ARHGAP15: variants seen among roughly 807,000 people sequenced by gnomAD.
ARHGAP15 encodes the protein Rho GTPase activating protein 15.
ARHGAP15 carries 51 observed loss-of-function variants against 63.7 expected under a neutral mutation model. The ratio of observed to expected loss-of-function variants is 0.80; its 90% CI spans 0.64 to 1.01. The LOEUF (loss-of-function observed/expected upper bound fraction) is 1.01, where lower values mean the gene tolerates loss of function less well. Among genes scored for constraint, ARHGAP15 ranks in the 50% least tolerant of loss-of-function variants. The pLI, the probability that ARHGAP15 is intolerant of heterozygous loss-of-function variation, is 0.00. For missense variants in ARHGAP15, 560 were observed against 564.6 expected (o/e 0.99, Z 0.08); for synonymous variants, 191 against 193.8 (o/e 0.99, Z 0.12).
intron 1 of ARHGAP15, among the ~76,000 whole-genome samples, chr2:143,144,967 G>A (rs1189925497): frequency 1.3e-5 from 2 of 152,014 alleles, no homozygotes; most frequent in Non-Finnish European, 1.5e-5. Flanking sequence ...GAATCCCTTA[G>A]GGGTTATGAC....
At chr2:143,710,221 C>T (rs1684520565) in intron 13 of ARHGAP15, among the ~76,000 whole-genome samples, 1 of 152,058 alleles carries the variant, frequency 6.6e-6, no homozygotes, top group South Asian at 2.1e-4. Context: ...AAGCCAGAAG[C>T]TTCATAGCTC....
intron 13 of ARHGAP15, among the ~76,000 whole-genome samples, chr2:143,731,960 C>T (rs1412753946): frequency 6.6e-6 from 1 of 152,122 alleles, no homozygotes; most frequent in East Asian, 1.9e-4. Flanking sequence ...ATTTAAAATG[C>T]AAGTATGTCT....
At chr2:143,432,219 T>C (rs1414380538) in intron 6 of ARHGAP15, among the ~76,000 whole-genome samples, 1 of 152,064 alleles carries the variant, frequency 6.6e-6, no homozygotes, top group Non-Finnish European at 1.5e-5. Context: ...GTTTATATTC[T>C]AGTAAACAAA....
At chr2:143,239,990 CAAAAAAAAA>C (rs60960176) in intron 5 of ARHGAP15, among the ~76,000 whole-genome samples, 7 of 26,466 alleles carry the variant, frequency 2.6e-4, no homozygotes, top group Admixed American at 7.2e-4. Context: ...GACTCTGTCT[CAAAAAAAAA>C]AAAAAAAAAA....
chr2:143,633,374 A>G (rs1190564969), intron 12 of ARHGAP15, among the ~76,000 whole-genome samples: 1 of 152,176 alleles, frequency 6.6e-6, no homozygotes, highest in Non-Finnish European at 1.5e-5. Flanking sequence ...CTGGACCTCC[A>G]TCTCCTTAAT....
At chr2:143,431,547 G>A (rs970006294) in intron 6 of ARHGAP15, among the ~76,000 whole-genome samples, 1 of 151,980 alleles carries the variant, frequency 6.6e-6, no homozygotes, top group East Asian at 1.9e-4. Context: ...ATGACCACCA[G>A]TTTATGCATA....
chr2:143,551,401 T>G (rs1695554889), intron 10 of ARHGAP15, among the ~76,000 whole-genome samples: 1 of 152,142 alleles, frequency 6.6e-6, no homozygotes, highest in Non-Finnish European at 1.5e-5. Flanking sequence ...GTGATTCTCC[T>G]GCCTTGGCCT....
intron 11 of ARHGAP15, among the ~76,000 whole-genome samples, chr2:143,557,189 C>T (rs1695839807): frequency 6.6e-6 from 1 of 152,128 alleles, no homozygotes; most frequent in Non-Finnish European, 1.5e-5. Flanking sequence ...AACCTATACA[C>T]AAATATTTAC....
At chr2:143,480,102 C>A (rs984078783) in intron 8 of ARHGAP15, among the ~76,000 whole-genome samples, 1 of 152,098 alleles carries the variant, frequency 6.6e-6, no homozygotes, top group Non-Finnish European at 1.5e-5. Context: ...TATAGAAATA[C>A]ATTATCAATG....
At chr2:143,340,961 T>C (rs1025449815) in intron 6 of ARHGAP15, among the ~76,000 whole-genome samples, 10 of 152,184 alleles carry the variant, frequency 6.6e-5, no homozygotes, top group African/African-American at 2.2e-4. Flanking sequence ...ATGTTCACTA[T>C]CATTTGGCCA....
intron 6 of ARHGAP15, among the ~76,000 whole-genome samples, chr2:143,261,324 C>CTT (rs1680704927): frequency 7.4e-6 from 1 of 135,526 alleles, no homozygotes; most frequent in Non-Finnish European, 1.6e-5. Flanking sequence ...GGAGGAATGA[C>CTT]CTTTTTTTTT....
intron 10 of ARHGAP15, among the ~76,000 whole-genome samples, chr2:143,537,391 C>A (rs1187936852): frequency 6.6e-6 from 1 of 152,118 alleles, no homozygotes; most frequent in Non-Finnish European, 1.5e-5. Context: ...AATTAGATCC[C>A]ATTTGTCAAT....
At chr2:143,672,203 G>C (rs1429470740) in intron 12 of ARHGAP15, among the ~76,000 whole-genome samples, 1 of 152,030 alleles carries the variant, frequency 6.6e-6, no homozygotes, top group Non-Finnish European at 1.5e-5. Flanking sequence ...TATAGAGAGA[G>C]TCATTAAGGT....
intron 6 of ARHGAP15, among the ~76,000 whole-genome samples, chr2:143,268,096 C>T (rs1447978320): frequency 6.6e-6 from 1 of 151,430 alleles, no homozygotes; most frequent in Non-Finnish European, 1.5e-5. Flanking sequence ...GCAAAAGTAC[C>T]AACTAGAGTC....
intron 6 of ARHGAP15, among the ~76,000 whole-genome samples, chr2:143,283,414 A>C (rs1249196530): frequency 6.6e-6 from 1 of 152,154 alleles, no homozygotes; most frequent in African/African-American, 2.4e-5. Context: ...GTAAGACAAA[A>C]ATTTAGTTTT....
chr2:143,439,136 A>G (rs1011586972), intron 8 of ARHGAP15, among the ~76,000 whole-genome samples: 4 of 152,142 alleles, frequency 2.6e-5, no homozygotes, highest in African/African-American at 9.7e-5. Context: ...CTTAAAAACA[A>G]GGGAGGCCAG....
Position 143,624,172 on chromosome 2 carries a change from T to A in ARHGAP15, c.1043T>A (p.Ile348Asn). Residue 348 changes from isoleucine (I) to asparagine (N), a missense_variant, in exon 12 of 14, where the codon ATC becomes AAC. Transcript: ENST00000295095. ...TTGGACGACAGCCAGTGGGAGGACA[T>A]CCACGTTGTCACCGGAGCACTGAAG... ...LNLDDSQWEDIHVVTGALKMF... is the reference protein window; with the variant it reads ...LNLDDSQWEDNHVVTGALKMF... 6.2e-7 allele frequency: 1 copy of A among 1,613,666 alleles called. No individual in the cohort carries two copies. Among genetic ancestry groups the A allele is most frequent in the Non-Finnish European group, 8.5e-7 (1 of 1,179,740 alleles).
intron 13 of ARHGAP15, among the ~76,000 whole-genome samples, chr2:143,747,198 G>A (rs1401186880): frequency 6.6e-6 from 1 of 151,664 alleles, no homozygotes; most frequent in Non-Finnish European, 1.5e-5. Context: ...GTATACCTAT[G>A]TAACAAACCT....
intron 11 of ARHGAP15, among the ~76,000 whole-genome samples, chr2:143,568,765 G>A (rs7595298): frequency 0.79 from 120,246 of 152,190 alleles, 47,604 homozygotes; most frequent in South Asian, 0.83. Flanking sequence ...AACCAAGCCA[G>A]ATGTCCATCA....
Sources: gnomAD v4.1 joint callset for allele counts (sites outside exome capture counted in the v4.1 genomes callset) on GRCh38, gnomAD v4.1.1 for gene constraint, MANE v1.5 for transcripts, NCBI Gene and HGNC (gene_info 2026-07-23, HGNC 2026-07-21) for gene names.